The following PCDHGB6 variants were observed in gnomAD, a reference collection of about 807,000 sequenced individuals.
PCDHGB6 encodes protocadherin gamma-B6.
A neutral mutation model predicts 59.1 loss-of-function variants in PCDHGB6; 51 were observed. The observed-to-expected ratio is 0.86, with a 90% CI of 0.69 to 1.09. PCDHGB6 has a LOEUF of 1.09. Among genes scored for constraint, PCDHGB6 ranks in the 50% least tolerant of loss-of-function variants. The pLI is 0.00. For synonymous variants in PCDHGB6, 466 were observed against 495.1 expected, an observed-to-expected ratio of 0.94 and a Z score of 0.78; for missense variants, 1,148 against 1,205.1, an observed-to-expected ratio of 0.95 and a Z score of 0.70.
intron 1 of PCDHGB6, among the ~76,000 whole-genome samples, chr5:141,435,652 G>C (rs978809372): frequency 6.6e-6 from 1 of 152,108 alleles, no homozygotes; most frequent in Non-Finnish European, 1.5e-5. Context: ...TTTCTGAAAC[G>C]TGCACAGATT....
At chr5:141,492,974 C>G (rs1479838959) in intron 1 of PCDHGB6, among the ~76,000 whole-genome samples, 1 of 152,244 alleles carries the variant, frequency 6.6e-6, no homozygotes, top group Non-Finnish European at 1.5e-5. Flanking sequence ...CTAACAAGTC[C>G]TGTCTCCTCT....
In PCDHGB6 at chr5:141,490,113, C is replaced by G. The variant is rs2099696295; in HGVS notation, c.2419-4694C>G. Reference sequence around the variant, plus strand: ...ACCACACATCTGAGGCAGTGCGGAACCTCTTTGGCCTAGACCCTAGCAGTG... The same window carrying G: ...ACCACACATCTGAGGCAGTGCGGAAGCTCTTTGGCCTAGACCCTAGCAGTG... On this transcript the variant is annotated intron_variant, in intron 1 of 3. Transcript: ENST00000520790. This position sits in a 1 kb window ranked among gnomAD's most constrained non-coding sequence, Gnocchi z 5.4. 1 of 1,614,258 alleles carries G rather than the reference C, an allele frequency of 6.2e-7. No individual in the cohort carries two copies.
chr5:141,457,111 G>A (rs922281700), intron 1 of PCDHGB6, among the ~76,000 whole-genome samples: 4 of 152,120 alleles, frequency 2.6e-5, no homozygotes, highest in South Asian at 2.1e-4. Flanking sequence ...AGCAAAATAC[G>A]ACAGCAATGG....
rs1187072972 is a variant in PCDHGB6 at position 141,487,553 on chromosome 5, C to T, written c.2419-7254C>T. 4 of 1,614,050 alleles carry T rather than the reference C, an allele frequency of 2.5e-6. No individual in the cohort carries two copies. The African/African-American group carries it at 4.0e-5, about 16-fold the overall frequency. On this transcript the variant is annotated intron_variant, in intron 1 of 3. Coordinates refer to ENST00000520790, the MANE Select transcript of PCDHGB6 (RefSeq NM_018926.3). The surrounding 1 kb of genome is among the most constrained non-coding windows in gnomAD (Gnocchi z 5.0). ...CATGATGGTGAAGTCACCCAGTGCA[C>T]CTATGGCAGGGGAGCCTGTTCGCCC...
chr5:141,428,013 C>T, intron 1 of PCDHGB6: 4 of 1,603,660 alleles, frequency 2.5e-6, no homozygotes, highest in Non-Finnish European at 3.4e-6. Flanking sequence ...CGATATAGTG[C>T]CACGCGCCGC....
chr5:141,487,386 G>C lies in PCDHGB6; in HGVS notation c.2419-7421G>C. On this transcript the variant is annotated intron_variant, in intron 1 of 3. Coordinates refer to ENST00000520790, the MANE Select transcript of PCDHGB6 (RefSeq NM_018926.3). The surrounding 1 kb of genome is among the most constrained non-coding windows in gnomAD (Gnocchi z 5.0). Reference sequence around the variant, plus strand: ...ACCTGTGCCTGTCTCACCAGATCTCGAAGGAGGGAGGGGCTTCCCCCTTCC... The same window carrying C: ...ACCTGTGCCTGTCTCACCAGATCTCCAAGGAGGGAGGGGCTTCCCCCTTCC... The C allele has an allele frequency of 1.2e-6, 2 of 1,614,164 alleles. No homozygotes were observed. Among genetic ancestry groups the C allele is most frequent in the South Asian group, 1.1e-5 (1 of 91,084 alleles).
chr5:141,422,883 C>A, intron 1 of PCDHGB6: 1 of 1,614,242 alleles, frequency 6.2e-7, no homozygotes, highest in Non-Finnish European at 8.5e-7. Flanking sequence ...TGAGCCTGTT[C>A]GTGCTGGACC....
In PCDHGB6 at chr5:141,486,702, T is replaced by C; in HGVS notation, c.2419-8105T>C. On this transcript the variant is annotated intron_variant, in intron 1 of 3. Coordinates refer to ENST00000520790, the MANE Select transcript of PCDHGB6 (RefSeq NM_018926.3). The surrounding 1 kb of genome is among the most constrained non-coding windows in gnomAD (Gnocchi z 5.0). ...GTATCAGCTTCCTCTTTCATCTCTC[T>C]GAACCCCCAGACAGGAGCTGTTCAT... is the stretch of plus-strand genomic sequence containing the variant. 3 of 1,614,218 alleles carry C rather than the reference T, an allele frequency of 1.9e-6. No homozygotes were observed. Among genetic ancestry groups the C allele is most frequent in the Non-Finnish European group, 2.5e-6 (3 of 1,180,040 alleles).
In PCDHGB6 at chr5:141,485,429, A is replaced by T. The variant is rs1388904857; in HGVS notation, c.2419-9378A>T. On this transcript the variant is annotated intron_variant, in intron 1 of 3. Transcript: ENST00000520790. This position sits in a 1 kb window ranked among gnomAD's most constrained non-coding sequence, Gnocchi z 5.7. Reference sequence around the variant, plus strand: ...GGATTTGGACAGCGGAGCCCTGCTCATCAAGAACCCAATCGACCGAGAGGC... The same window carrying T: ...GGATTTGGACAGCGGAGCCCTGCTCTTCAAGAACCCAATCGACCGAGAGGC... The T allele has an allele frequency of 6.2e-7, 1 of 1,614,090 alleles. No homozygotes were observed. Among genetic ancestry groups the T allele is most frequent in the Non-Finnish European group, 8.5e-7 (1 of 1,180,052 alleles).
chr5:141,457,410 C>G (rs746966828), intron 1 of PCDHGB6, among the ~76,000 whole-genome samples: 1 of 152,182 alleles, frequency 6.6e-6, no homozygotes, highest in Non-Finnish European at 1.5e-5. Context: ...TTTCACATTA[C>G]CCATCCCTTT....
At chr5:141,465,229 A>G (rs1010075158) in intron 1 of PCDHGB6, among the ~76,000 whole-genome samples, 6 of 152,208 alleles carry the variant, frequency 3.9e-5, no homozygotes, top group Non-Finnish European at 2.9e-5. Flanking sequence ...CATGAGCTCC[A>G]TCAAGTTCAA....
chr5:141,470,738 C>T lies in PCDHGB6; in HGVS notation c.2419-24069C>T, dbSNP rs117476356. On this transcript the variant is annotated intron_variant, in intron 1 of 3. Transcript: ENST00000520790. ...TTTGAGTCAGGGTCTTGCTCTGTCG[C>T]CCTGGCTGGAGTGCAGTGGACTCAC... Among the ~76,000 whole-genome samples the T allele has an allele frequency of 1.9e-3, 295 of 152,226 alleles. 7 individuals carry two copies. In the East Asian group the frequency reaches 0.046, roughly 24 times the overall value.
chr5:141,507,075 C>T (rs1006779614), intron 3 of PCDHGB6: 25 of 152,176 alleles, frequency 1.6e-4, no homozygotes, highest in Admixed American at 1.1e-3. Context: ...CCTGGCTCAA[C>T]TCCTAAGTTT....
Position 141,487,622 on chromosome 5 carries a change from C to A in PCDHGB6, c.2419-7185C>A. 1 of 1,614,174 alleles carries A rather than the reference C, an allele frequency of 6.2e-7. No homozygotes were observed. Among genetic ancestry groups the A allele is most frequent in the Non-Finnish European group, 8.5e-7 (1 of 1,180,030 alleles). ...TCTTCTCTATGGGCTAGAGGTGAGACCTTTGCAGGCTCAACAAATGCTTGA... is the reference window on the plus strand; with the variant it reads ...TCTTCTCTATGGGCTAGAGGTGAGAACTTTGCAGGCTCAACAAATGCTTGA... On this transcript the variant is annotated intron_variant, in intron 1 of 3. Transcript: ENST00000520790. The surrounding 1 kb of genome is among the most constrained non-coding windows in gnomAD (Gnocchi z 5.0).
chr5:141,485,172 CA>C lies in PCDHGB6; in HGVS notation c.2419-9633del. 6.2e-7 allele frequency: 1 copy of C among 1,610,166 alleles called. No individual in the cohort carries two copies. Among genetic ancestry groups the C allele is most frequent in the Non-Finnish European group, 8.5e-7 (1 of 1,176,940 alleles). On this transcript the variant is annotated intron_variant, in intron 1 of 3. Coordinates refer to ENST00000520790, the MANE Select transcript of PCDHGB6 (RefSeq NM_018926.3). The surrounding 1 kb of genome is among the most constrained non-coding windows in gnomAD (Gnocchi z 5.7). ...CAAGTAGAGAATTAGCGGGCGGCAG[CA>C]ATGCTCCGCAAGGTGAGAAGCTGGA...
chr5:141,441,789 A>G (rs889545483), intron 1 of PCDHGB6: 4 of 391,886 alleles, frequency 1.0e-5, no homozygotes, highest in Middle Eastern at 6.4e-4. Context: ...CCTGAATGAC[A>G]ACGCACCGCG....
chr5:141,415,744 T>TTTTTG, intron 1 of PCDHGB6: 1 of 404,416 alleles, frequency 2.5e-6, no homozygotes, highest in Non-Finnish European at 3.0e-6. Context: ...ATTAAGGTTT[T>TTTTTG]TTTTTTTTTT....
At chr5:141,459,165 C>T (rs1418626354) in intron 1 of PCDHGB6, among the ~76,000 whole-genome samples, 2 of 152,130 alleles carry the variant, frequency 1.3e-5, no homozygotes, top group African/African-American at 4.8e-5. Context: ...ATTTCTATAA[C>T]CTTCAAAAGT....
chr5:141,450,669 T>C (rs2098689726), intron 1 of PCDHGB6, among the ~76,000 whole-genome samples: 1 of 151,904 alleles, frequency 6.6e-6, no homozygotes, highest in Admixed American at 6.6e-5. Context: ...GTACTTTTAG[T>C]AGAAACGGGG....
Sources: allele counts gnomAD v4.1 joint callset (sites outside exome capture counted in the v4.1 genomes callset), GRCh38; gene constraint gnomAD v4.1.1; non-coding constraint Gnocchi (gnomAD v3.1); transcripts MANE v1.5; gene names NCBI Gene and HGNC (gene_info 2026-07-23, HGNC 2026-07-21).